Variants in EEF1A2 observed in about 807,000 individuals in gnomAD.
EEF1A2 encodes the protein eukaryotic translation elongation factor 1 alpha 2.
EEF1A2 carries 5 observed loss-of-function variants against 39.3 expected under a neutral mutation model. The ratio of observed to expected loss-of-function variants is 0.13; its 90% CI spans 0.07 to 0.27. The LOEUF is 0.27. EEF1A2 is among the 10% of genes least tolerant of loss of function. The pLI is 1.00. For missense variants in EEF1A2, 218 were observed against 681.4 expected (o/e 0.32, Z 7.57); for synonymous variants, 287 against 293.7 (o/e 0.98, Z 0.23).
intron 6 of EEF1A2, chr20:63,490,067 C>CT (rs57130528): frequency 4.2e-3 from 641 of 151,300 alleles, no homozygotes; most frequent in Admixed American, 0.01. Context: ...GGTCCCTTTT[C>CT]TTTTTTTTTT....
chr20:63,494,586 C>T (rs756484628), intron 4 of EEF1A2, among the ~76,000 whole-genome samples: 2 of 152,238 alleles, frequency 1.3e-5, no homozygotes, highest in Non-Finnish European at 2.9e-5. Context: ...CCCGGCCAGC[C>T]GCGTGGGAGG....
Position 63,488,237 on chromosome 20 carries a change from CCGG to C in EEF1A2, c.*58_*60del. The stretch of plus-strand genomic sequence containing the variant: ...CGCGGGGCGGGGGCGGGGCGGGGGC[CCGG>C]GCCCGGGGTTCGGAGCGCGGCACCG... On this transcript the variant is annotated 3_prime_UTR_variant, in exon 8 of 8. Coordinates refer to ENST00000217182, the MANE Select transcript of EEF1A2 (RefSeq NM_001958.5). 6.2e-6 allele frequency: 5 copies of C among 811,168 alleles called. No homozygotes were observed. Among genetic ancestry groups the C allele is most frequent in the Non-Finnish European group, 6.7e-6 (5 of 741,704 alleles). 50.2% of individuals were successfully genotyped at this position (811,168 alleles called of 1,614,324 possible).
In EEF1A2 at chr20:63,493,082, TC is replaced by T. The variant is rs2082398452; in HGVS notation, c.772+54del. On this transcript the variant is annotated intron_variant, in intron 5 of 7. Coordinates refer to ENST00000217182, the MANE Select transcript of EEF1A2 (RefSeq NM_001958.5). ...TGAGATGCCTTGTAGGGGCCCCTGG[TC>T]TAGGGCAGGCAGAGCTGGCCAGGCA... is the stretch of plus-strand genomic sequence containing the variant. 2.4e-5 allele frequency: 37 copies of T among 1,528,010 alleles called. No individual in the cohort carries two copies. The South Asian group carries it at 4.3e-4, about 18-fold the overall frequency. The allele number at this position is 1,528,010 out of a possible 1,614,324, so 94.7% of individuals were successfully genotyped here.
chr20:63,489,181 G>A, intron 6 of EEF1A2, 29 bp from the exon 7 acceptor site: 1 of 1,603,516 alleles, frequency 6.2e-7, no homozygotes, highest in Admixed American at 1.7e-5. Context: ...GCGGCCATCA[G>A]GCACATCGGC....
chr20:63,488,267 C>A lies in EEF1A2; in HGVS notation c.*31G>T. ...CCCGGGGTTCGGAGCGCGGCACCGC[C>A]GGGGAGGGTCGCGCCGCGGGCGCCC... On this transcript the variant is annotated 3_prime_UTR_variant, in exon 8 of 8. Transcript: ENST00000217182. The A allele has an allele frequency of 9.3e-7, 1 of 1,070,956 alleles. No homozygotes were observed. The highest frequency in any genetic ancestry group is 2.7e-5 in the South Asian group (1 of 37,662). 66.3% of individuals were successfully genotyped at this position (1,070,956 alleles called of 1,614,324 possible).
Position 63,488,347 on chromosome 20 carries a change from G to A in EEF1A2, c.1343C>T (p.Ala448Val). 4 of 1,469,806 alleles carry A rather than the reference G, an allele frequency of 2.7e-6. No individual in the cohort carries two copies. The highest frequency in any genetic ancestry group is 3.6e-6 in the Non-Finnish European group (4 of 1,111,338). 91.0% of individuals were successfully genotyped at this position (1,469,806 alleles called of 1,614,324 possible). ...IKNVEKKSGG[A>V]GKVTKSAQKA... ...CTGCGCCGACTTGGTGACCTTGCCG[G>A]CGCCGCCGCTCTTCTTCTCCACGTT... The change falls in exon 8 of 8, where the codon GCC becomes GTC. Residue 448 changes from alanine to valine, a missense_variant. This residue lies in a region of EEF1A2 where 31 missense variants were observed against 57.0 expected (regional missense o/e 0.54). Transcript: ENST00000217182.
chr20:63,494,774 C>A (rs566920038), intron 4 of EEF1A2, 31 bp downstream of exon 4: 2 of 1,590,060 alleles, frequency 1.3e-6, no homozygotes, highest in South Asian at 1.1e-5. Flanking sequence ...AGCCAGCTCC[C>A]GTGGCCCGCC....
In EEF1A2 at chr20:63,493,173, G is replaced by A; in HGVS notation, c.736C>T (p.Leu246=). 6.5e-7 allele frequency: 1 copy of A among 1,548,946 alleles called. No homozygotes were observed. The highest frequency in any genetic ancestry group is 1.2e-5 in the South Asian group (1 of 83,966). ...TACACGTCCTGCAGCGGCAGGCGCA[G>A]GGGCTTGTCCGTGGGGCGCGTGGGG... The part of the protein sequence containing the change: ...LPPTRPTDKP[L]RLPLQDVYKI... The change falls in exon 5 of 8, where the codon CTG becomes TTG. Residue 246 remains leucine (L), a synonymous_variant. Coordinates refer to ENST00000217182, the MANE Select transcript of EEF1A2 (RefSeq NM_001958.5).
intron 5 of EEF1A2, among the ~76,000 whole-genome samples, chr20:63,492,535 AGGAT>A (rs57898956): frequency 1.6e-4 from 8 of 50,978 alleles, no homozygotes; most frequent in African/African-American, 2.9e-4. Context: ...GATGGATGGA[AGGAT>A]GGATGGATGG....
intron 7 of EEF1A2, 96 bp from the exon 8 acceptor site, chr20:63,488,521 A>G: frequency 3.1e-6 from 4 of 1,285,586 alleles, no homozygotes; most frequent in Non-Finnish European, 4.0e-6. Flanking sequence ...CGCGTCGGGA[A>G]TGTCCTCGGA....
At position 63,488,394 on chromosome 20, in the gene EEF1A2, C is replaced by T. The variant is rs200259257; in HGVS notation, c.1296G>A (p.Thr432=). The change falls in exon 8 of 8, where the codon ACG becomes ACA. Residue 432 remains threonine (T), a synonymous_variant. Coordinates refer to ENST00000217182, the MANE Select transcript of EEF1A2 (RefSeq NM_001958.5). Reference sequence around the variant, plus strand: ...CGTTCTTGATGACGCCTACGGCCACCGTCTGCCTCATGTCGCGCACGGCGA... The same window carrying T: ...CGTTCTTGATGACGCCTACGGCCACTGTCTGCCTCATGTCGCGCACGGCGA... ...GRFAVRDMRQ[T]VAVGVIKNVE... 9,233 of 1,478,522 alleles carry T rather than the reference C, an allele frequency of 6.2e-3. 42 individuals carry two copies. Among genetic ancestry groups the T allele is most frequent in the Non-Finnish European group, 7.6e-3 (8,452 of 1,116,478 alleles). 91.6% of individuals were successfully genotyped at this position (1,478,522 alleles called of 1,614,324 possible).
intron 6 of EEF1A2, among the ~76,000 whole-genome samples, chr20:63,489,778 G>A (rs1333657837): frequency 2.0e-5 from 3 of 151,898 alleles, no homozygotes; most frequent in East Asian, 1.9e-4. Flanking sequence ...GCGAGACTCC[G>A]TCTCAAAAAA....
chr20:63,494,466 G>T (rs941405381), intron 4 of EEF1A2, among the ~76,000 whole-genome samples: 4 of 152,268 alleles, frequency 2.6e-5, no homozygotes, highest in African/African-American at 4.8e-5. Flanking sequence ...CAATGGCCTG[G>T]CAGAGATGAA....
rs142008299 is a variant in EEF1A2, at chr20:63,495,735, G to A, written c.324+121C>T. 532 of 1,307,572 alleles carry A rather than the reference G, an allele frequency of 4.1e-4. 5 individuals are homozygous for A. The East Asian group carries it at 0.013, about 31-fold the overall frequency. 81.0% of individuals were successfully genotyped at this position (1,307,572 alleles called of 1,614,324 possible). A position where few individuals can be genotyped will look rare whatever the true frequency, so the allele number is the denominator to read the frequency against. On this transcript the variant is annotated intron_variant, in intron 3 of 7. Transcript: ENST00000217182. Reference sequence around the variant, plus strand: ...TGGGTGAGGGTGGCCCAGGTGAGGGGTCCCCTGCCCTCACAGGAAGCACAG... The same window carrying A: ...TGGGTGAGGGTGGCCCAGGTGAGGGATCCCCTGCCCTCACAGGAAGCACAG...
intron 7 of EEF1A2, 30 bp from the exon 8 acceptor site, chr20:63,488,455 G>T (rs2082362927): frequency 2.1e-6 from 3 of 1,401,704 alleles, no homozygotes; most frequent in Non-Finnish European, 1.9e-6. Context: ...GTGTGGGCGG[G>T]GCCGGAGGAC....
intron 2 of EEF1A2, chr20:63,496,304 G>C (rs575528786): frequency 3.9e-6 from 2 of 512,732 alleles, no homozygotes; most frequent in Admixed American, 6.8e-5. Flanking sequence ...CCTGGGAGTC[G>C]CTCGCTCTAC....
At position 63,488,957 on chromosome 20, in the gene EEF1A2, GCTTTCCCGGCA is replaced by G. The variant is rs1203454074; in HGVS notation, c.1214_1224del (p.Val405AlafsTer148). On this transcript the variant is annotated frameshift_variant, in exon 7 of 8. Coordinates refer to ENST00000217182, the MANE Select transcript of EEF1A2 (RefSeq NM_001958.5). LOFTEE classifies it high-confidence loss of function. ...TGGGAGAAGCTCTCCACACACATGG[GCTTTCCCGGCA>G]CCATCTCCACGATGGCCGCGTCTCC... 1 of 1,612,456 alleles carries G rather than the reference GCTTTCCCGGCA, an allele frequency of 6.2e-7. No individual in the cohort carries two copies. Among genetic ancestry groups the G allele is most frequent in the Non-Finnish European group, 8.5e-7 (1 of 1,179,896 alleles).
At chr20:63,492,126 AT>A (rs2082385815) in intron 5 of EEF1A2, among the ~76,000 whole-genome samples, 1 of 25,144 alleles carries the variant, frequency 4.0e-5, no homozygotes, top group African/African-American at 1.8e-4. Context: ...GGATGGATGG[AT>A]GGGGAAGTGG....
At position 63,498,084 on chromosome 20, in the gene EEF1A2, G is replaced by A. The variant is rs965569849; in HGVS notation, c.-71-250C>T. 5 of 253,596 alleles carry A rather than the reference G, an allele frequency of 2.0e-5. No individual in the cohort carries two copies. Among genetic ancestry groups the A allele is most frequent in the African/African-American group, 4.5e-5 (2 of 44,736 alleles). 15.7% of individuals were successfully genotyped at this position (253,596 alleles called of 1,614,324 possible). On this transcript the variant is annotated intron_variant, in intron 1 of 7. Transcript: ENST00000217182. This position sits in a 1 kb window ranked among gnomAD's most constrained non-coding sequence, Gnocchi z 4.1. ...TGTAAATAACTGGGCGTTGGAGCCC[G>A]CGGGCTGCTCCTTGGGAAGGGGTTA... is the stretch of plus-strand genomic sequence containing the variant.
Sources: gnomAD v4.1 joint callset for allele counts (sites outside exome capture counted in the v4.1 genomes callset) on GRCh38, gnomAD v4.1.1 for gene constraint, gnomAD v4.1.1 regional missense constraint, Gnocchi (gnomAD v3.1) non-coding constraint, MANE v1.5 for transcripts, NCBI Gene and HGNC (gene_info 2026-07-23, HGNC 2026-07-21) for gene names.